The following NAP1L4 variants were observed in gnomAD, a reference collection of about 807,000 sequenced individuals.
NAP1L4 encodes nucleosome assembly protein 1 like 4.
In NAP1L4, 15 loss-of-function variants were observed where a neutral mutation model predicts 58.2. The ratio of observed to expected loss-of-function variants is 0.26; its 90% CI spans 0.17 to 0.40. NAP1L4 has a LOEUF of 0.40. NAP1L4 is among the 10% of genes least tolerant of loss of function. The pLI is 1.00. For synonymous variants in NAP1L4, 171 were observed against 155.6 expected, an observed-to-expected ratio of 1.10 and a Z score of -0.74; for missense variants, 384 against 451.1, an observed-to-expected ratio of 0.85 and a Z score of 1.35.
At chr11:2,950,062 C>G (rs1846142072) in intron 14 of NAP1L4, among the ~76,000 whole-genome samples, 1 of 152,274 alleles carries the variant, frequency 6.6e-6, no homozygotes, top group African/African-American at 2.4e-5. Context: ...AGCATTTATT[C>G]ACCCAACGTT....
intron 3 of NAP1L4, 75 bp from the exon 4 acceptor site, chr11:2,976,198 CAT>C: frequency 9.3e-7 from 1 of 1,072,894 alleles, no homozygotes; most frequent in Non-Finnish European, 1.4e-6. Flanking sequence ...AAATTAGTAA[CAT>C]ATCTACTTAG....
At chr11:2,972,347 CCTTA>C in intron 4 of NAP1L4, 104 bp from the exon 5 acceptor site, 1 of 1,030,418 alleles carries the variant, frequency 9.7e-7, no homozygotes. Context: ...GAATCAACAT[CCTTA>C]CTATGAACAA....
At chr11:2,960,706 A>AT (rs1846841307) in intron 8 of NAP1L4, among the ~76,000 whole-genome samples, 1 of 152,246 alleles carries the variant, frequency 6.6e-6, no homozygotes, top group South Asian at 2.1e-4. Flanking sequence ...ATCAAAAAAA[A>AT]TTAAATTAAA....
chr11:2,985,750 G>A (rs988605758), intron 1 of NAP1L4, among the ~76,000 whole-genome samples: 3 of 144,300 alleles, frequency 2.1e-5, no homozygotes, highest in African/African-American at 5.0e-5. Context: ...AGGGATACCA[G>A]GCAAAAGAAT....
At chr11:2,956,630 C>G (rs566366801) in intron 10 of NAP1L4, among the ~76,000 whole-genome samples, 1 of 152,200 alleles carries the variant, frequency 6.6e-6, no homozygotes, top group Non-Finnish European at 1.5e-5. Context: ...AGTTCCCAAG[C>G]CTCGGTGTGC....
At chr11:2,990,390 C>T (rs188729624) in intron 1 of NAP1L4, 6 of 152,286 alleles carry the variant, frequency 3.9e-5, no homozygotes, top group Admixed American at 3.9e-4. Flanking sequence ...CTTTGGATTA[C>T]TTTCCCATTC....
At chr11:2,961,243 A>C (rs970923604) in intron 8 of NAP1L4, among the ~76,000 whole-genome samples, 3 of 152,186 alleles carry the variant, frequency 2.0e-5, no homozygotes, top group South Asian at 2.1e-4. Context: ...GTGGAGGAGG[A>C]GGCGGGGCAT....
At chr11:2,972,019 G>A (rs1690960840) in intron 5 of NAP1L4, 83 bp downstream of exon 5, 2 of 1,371,550 alleles carry the variant, frequency 1.5e-6, no homozygotes, top group Non-Finnish European at 9.7e-7. Context: ...CCTAGATGTT[G>A]TCAACTTATA....
intron 9 of NAP1L4, chr11:2,958,841 T>C: frequency 2.8e-6 from 1 of 360,424 alleles, no homozygotes; most frequent in Non-Finnish European, 5.1e-6. Flanking sequence ...CAAAGCCCCG[T>C]CAAGTCTGCA....
chr11:2,972,669 T>C (rs949583046), intron 4 of NAP1L4, among the ~76,000 whole-genome samples: 33 of 152,212 alleles, frequency 2.2e-4, no homozygotes, highest in Admixed American at 2.1e-3. Flanking sequence ...AGTAATTCTA[T>C]TTCTAAGAAT....
At chr11:2,989,974 A>C (rs1256073765) in intron 1 of NAP1L4, 2 of 152,242 alleles carry the variant, frequency 1.3e-5, no homozygotes, top group Non-Finnish European at 2.9e-5. Flanking sequence ...TAAACTTTTC[A>C]GAATTCAGTT....
intron 1 of NAP1L4, chr11:2,989,748 CAGGTT>C (rs2134035532): frequency 6.6e-6 from 1 of 152,314 alleles, no homozygotes; most frequent in East Asian, 1.9e-4. Flanking sequence ...AAAACTCTGA[CAGGTT>C]AGGAAGTTTT....
rs1201141240 is a variant in NAP1L4, at chr11:2,946,192, G to A, written c.*33-546C>T. On this transcript the variant is annotated intron_variant, in intron 15 of 15. Transcript: ENST00000380542. The surrounding 1 kb of genome is among the most constrained non-coding windows in gnomAD (Gnocchi z 4.8). Reference sequence around the variant, plus strand: ...CGCCCCGGCAGATCCATCCTCTTCTGGTGGCCTGTACTGCACCAACAAATG... The same window carrying A: ...CGCCCCGGCAGATCCATCCTCTTCTAGTGGCCTGTACTGCACCAACAAATG... Among the ~76,000 whole-genome samples the A allele has an allele frequency of 6.6e-6, 1 of 152,062 alleles. No homozygotes were observed. Among genetic ancestry groups the A allele is most frequent in the Non-Finnish European group, 1.5e-5 (1 of 68,012 alleles).
intron 3 of NAP1L4, 36 bp from the exon 4 acceptor site, chr11:2,976,159 G>T: frequency 6.5e-7 from 1 of 1,532,602 alleles, no homozygotes; most frequent in Non-Finnish European, 9.0e-7. Flanking sequence ...TTTAAAATAT[G>T]CCCACCACAC....
At chr11:2,970,888 G>C (rs562152373) in intron 6 of NAP1L4, among the ~76,000 whole-genome samples, 3 of 150,000 alleles carry the variant, frequency 2.0e-5, no homozygotes, top group Admixed American at 6.7e-5. Context: ...GTTAGTTATA[G>C]GATAAAAGTT....
intron 8 of NAP1L4, among the ~76,000 whole-genome samples, chr11:2,962,376 GGTGTGGCAGGAGCC>G (rs1350286434): frequency 6.6e-6 from 1 of 152,234 alleles, no homozygotes; most frequent in Non-Finnish European, 1.5e-5. Flanking sequence ...CACACCATGT[GGTGTGGCAGGAGCC>G]GTGTGGCACA....
Position 2,969,857 on chromosome 11 carries a change from T to C in NAP1L4, c.480A>G (p.Pro160=), listed in dbSNP as rs201884595. ...TTCTGAAGATGGTAAACCAGAACTC[T>C]GGAATTCCTTTGGGATCTGGCTCTT... is the stretch of plus-strand genomic sequence containing the variant. ...TAEEPDPKGI[P]EFWFTIFRNV... is the part of the protein sequence containing the mutation. Residue 160 remains proline, a synonymous_variant, in exon 7 of 16, where the codon CCA becomes CCG. Coordinates refer to ENST00000380542, the MANE Select transcript of NAP1L4 (RefSeq NM_005969.4). 5.6e-5 allele frequency: 91 copies of C among 1,613,988 alleles called. No individual in the cohort carries two copies. In the Admixed American group the frequency reaches 1.5e-3, roughly 26 times the overall value.
intron 7 of NAP1L4, among the ~76,000 whole-genome samples, chr11:2,967,447 C>T (rs7127848): frequency 0.061 from 9,248 of 151,864 alleles, 963 homozygotes; most frequent in African/African-American, 0.21. Context: ...CCCGTCTCTA[C>T]TAAAAATAAA....
chr11:2,977,871 A>C (rs1455151367), intron 3 of NAP1L4, among the ~76,000 whole-genome samples: 2 of 151,728 alleles, frequency 1.3e-5, no homozygotes, highest in Non-Finnish European at 2.9e-5. Context: ...AGACTTAAAA[A>C]AAAAAAAAAA....
Sources: gnomAD v4.1 joint callset for allele counts (sites outside exome capture counted in the v4.1 genomes callset) on GRCh38, gnomAD v4.1.1 for gene constraint, Gnocchi (gnomAD v3.1) non-coding constraint, MANE v1.5 for transcripts, NCBI Gene and HGNC (gene_info 2026-07-23, HGNC 2026-07-21) for gene names.